CTNND2: variants seen among roughly 807,000 people sequenced by gnomAD.
CTNND2 encodes the protein catenin delta-2.
In CTNND2, 22 loss-of-function variants were observed where a neutral mutation model predicts 144.4. The ratio of observed to expected loss-of-function variants is 0.15; its 90% CI spans 0.11 to 0.22. The LOEUF is 0.22. Among genes scored for constraint, CTNND2 ranks in the 10% least tolerant of loss-of-function variants. CTNND2 has a pLI of 1.00. For synonymous variants in CTNND2, 751 were observed against 695.6 expected, an observed-to-expected ratio of 1.08 and a Z score of -1.25; for missense variants, 1,353 against 1,618.8, an observed-to-expected ratio of 0.84 and a Z score of 2.82.
At chr5:11,531,014 C>A (rs544934641) in intron 3 of CTNND2, among the ~76,000 whole-genome samples, 1 of 152,154 alleles carries the variant, frequency 6.6e-6, no homozygotes, top group Non-Finnish European at 1.5e-5. Flanking sequence ...CTGCAAGCAA[C>A]GAAAATAACA....
intron 3 of CTNND2, among the ~76,000 whole-genome samples, chr5:11,522,228 C>T (rs1474618060): frequency 2.0e-5 from 3 of 152,186 alleles, no homozygotes; most frequent in African/African-American, 7.2e-5. Context: ...CCATGACAAA[C>T]GTGATAAAAG....
intron 1 of CTNND2, among the ~76,000 whole-genome samples, chr5:11,799,677 AGAG>A (rs1289172304): frequency 6.6e-6 from 1 of 152,150 alleles, no homozygotes; most frequent in East Asian, 1.9e-4. Context: ...ACTTGGATAA[AGAG>A]GGAGAAGTTT....
At chr5:11,654,626 CT>C (rs1782816956) in intron 2 of CTNND2, among the ~76,000 whole-genome samples, 1 of 147,964 alleles carries the variant, frequency 6.8e-6, no homozygotes, top group African/African-American at 2.5e-5. Flanking sequence ...TCTAACTGTT[CT>C]TTTGGTGGCA....
chr5:11,562,288 T>C (rs1776744027), intron 3 of CTNND2, among the ~76,000 whole-genome samples: 3 of 152,278 alleles, frequency 2.0e-5, no homozygotes, highest in South Asian at 4.1e-4. Flanking sequence ...TAGCCCTCTT[T>C]TTTTAAAAAA....
chr5:11,052,264 A>G (rs184470982), intron 16 of CTNND2, among the ~76,000 whole-genome samples: 440 of 152,300 alleles, frequency 2.9e-3, no homozygotes, highest in Middle Eastern at 0.014. Context: ...AGATGTGTAT[A>G]TACTTTCAGT....
chr5:11,377,173 C>T (rs1348635139), intron 7 of CTNND2, among the ~76,000 whole-genome samples: 2 of 151,970 alleles, frequency 1.3e-5, no homozygotes, highest in African/African-American at 2.4e-5. Context: ...GCCTCAGCCT[C>T]CTGAGTAGCT....
intron 2 of CTNND2, among the ~76,000 whole-genome samples, chr5:11,623,774 G>A (rs910251975): frequency 3.9e-5 from 5 of 127,342 alleles, no homozygotes; most frequent in Middle Eastern, 4.0e-3. Context: ...TCAAGAAGAA[G>A]ACCTAACTAT....
intron 2 of CTNND2, among the ~76,000 whole-genome samples, chr5:11,706,082 T>A (rs1785678864): frequency 6.6e-6 from 1 of 152,116 alleles, no homozygotes; most frequent in Non-Finnish European, 1.5e-5. Context: ...TCCCAGGCCC[T>A]CAGACCTGGA....
At chr5:11,354,595 T>C (rs991042643) in intron 8 of CTNND2, among the ~76,000 whole-genome samples, 2 of 152,154 alleles carry the variant, frequency 1.3e-5, no homozygotes, top group African/African-American at 2.4e-5. Flanking sequence ...GTCATATAAA[T>C]AAATTTTAGA....
At chr5:11,230,339 C>T (rs1430070515) in intron 10 of CTNND2, among the ~76,000 whole-genome samples, 14 of 137,828 alleles carry the variant, frequency 1.0e-4, no homozygotes, top group Non-Finnish European at 2.2e-4. Context: ...GTACAATGTG[C>T]ACATGTACCC....
At chr5:11,198,406 G>A (rs755726020) in intron 11 of CTNND2, among the ~76,000 whole-genome samples, 8 of 152,182 alleles carry the variant, frequency 5.3e-5, no homozygotes, top group Non-Finnish European at 2.9e-5. Flanking sequence ...ATCTCAAAGA[G>A]TGTACATTTA....
At chr5:11,173,918 G>A (rs1275230991) in intron 11 of CTNND2, among the ~76,000 whole-genome samples, 1 of 152,216 alleles carries the variant, frequency 6.6e-6, no homozygotes, top group African/African-American at 2.4e-5. Flanking sequence ...GCATGCAGCA[G>A]AGAACAGGCT....
chr5:11,343,545 T>C (rs1478190489), intron 9 of CTNND2, among the ~76,000 whole-genome samples: 2 of 152,230 alleles, frequency 1.3e-5, no homozygotes, highest in East Asian at 1.9e-4. Flanking sequence ...ATATACTCTT[T>C]CTTTTTCCTT....
At chr5:11,454,094 A>G (rs1765516159) in intron 3 of CTNND2, among the ~76,000 whole-genome samples, 1 of 152,224 alleles carries the variant, frequency 6.6e-6, no homozygotes, top group African/African-American at 2.4e-5. Context: ...TATTTTCTAT[A>G]ACACTTCTTA....
At chr5:11,786,771 T>C (rs1790860634) in intron 1 of CTNND2, among the ~76,000 whole-genome samples, 1 of 152,210 alleles carries the variant, frequency 6.6e-6, no homozygotes, top group Admixed American at 6.5e-5. Context: ...TCTTGAATTA[T>C]CCAAAGTTCT....
chr5:11,744,174 A>G (rs2126770677), intron 1 of CTNND2, among the ~76,000 whole-genome samples: 1 of 152,304 alleles, frequency 6.6e-6, no homozygotes, highest in Non-Finnish European at 1.5e-5. Flanking sequence ...AATTTTATCT[A>G]ATCTTAACAA....
rs1739284115 is a variant in CTNND2 at position 10,995,867 on chromosome 5, T to G, written c.3085-3190A>C. ...TGGGGTGACAGGAAGATAAGGATATTCACTCTTGATTTTTTTGTTTTTTGC... is the reference window on the plus strand; with the variant it reads ...TGGGGTGACAGGAAGATAAGGATATGCACTCTTGATTTTTTTGTTTTTTGC... On this transcript the variant is annotated intron_variant, in intron 18 of 21. Coordinates refer to ENST00000304623, the MANE Select transcript of CTNND2 (RefSeq NM_001332.4). 2.0e-5 allele frequency among the ~76,000 whole-genome samples: 3 copies of G among 152,124 alleles called. No individual in the cohort carries two copies. The East Asian group carries it at 5.8e-4, about 29-fold the overall frequency.
At chr5:11,610,134 G>A (rs1289357160) in intron 2 of CTNND2, among the ~76,000 whole-genome samples, 2 of 152,136 alleles carry the variant, frequency 1.3e-5, no homozygotes, top group African/African-American at 4.8e-5. Flanking sequence ...CTCTCTACAT[G>A]CACAGATCAA....
chr5:11,536,746 G>C (rs776705083), intron 3 of CTNND2, among the ~76,000 whole-genome samples: 1 of 151,954 alleles, frequency 6.6e-6, no homozygotes, highest in Non-Finnish European at 1.5e-5. Flanking sequence ...AGGGGGGTGA[G>C]GGATAAAAGA....
Sources: gnomAD v4.1 joint callset for allele counts (sites outside exome capture counted in the v4.1 genomes callset) on GRCh38, gnomAD v4.1.1 for gene constraint, MANE v1.5 for transcripts, NCBI Gene and HGNC (gene_info 2026-07-23, HGNC 2026-07-21) for gene names.